Variants in RBPJ observed in about 807,000 individuals in gnomAD.
The protein encoded by RBPJ is recombination signal binding protein for immunoglobulin kappa J region, also known as recombining binding protein suppressor of hairless.
RBPJ carries 9 observed loss-of-function variants against 67.8 expected under a neutral mutation model. The ratio of observed to expected loss-of-function variants is 0.13; its 90% CI spans 0.08 to 0.23. The LOEUF is 0.23. RBPJ is among the 10% of genes least tolerant of loss of function. RBPJ has a pLI of 1.00. For synonymous variants in RBPJ, 198 were observed against 203.3 expected, an observed-to-expected ratio of 0.97 and a Z score of 0.22; for missense variants, 305 against 595.6, an observed-to-expected ratio of 0.51 and a Z score of 5.08.
chr4:26,266,805 A>G (rs10017379), intron 1 of RBPJ, among the ~76,000 whole-genome samples: 88 of 152,322 alleles, frequency 5.8e-4, no homozygotes, highest in African/African-American at 2.1e-3. Context: ...TCAAGAGCAG[A>G]TATTACTGGT....
intron 2 of RBPJ, among the ~76,000 whole-genome samples, chr4:26,394,916 TTTGTTGTAA>T (rs1464447634): frequency 2.6e-5 from 4 of 152,214 alleles, no homozygotes; most frequent in African/African-American, 7.2e-5. Flanking sequence ...TTCTTCAAGG[TTTGTTGTAA>T]TTGTTGTAAC....
intron 1 of RBPJ, among the ~76,000 whole-genome samples, chr4:26,281,296 G>A (rs1361731991): frequency 6.6e-6 from 1 of 151,652 alleles, no homozygotes; most frequent in Non-Finnish European, 1.5e-5. Flanking sequence ...TTGTTTTTTT[G>A]AGGCGGAGTT....
rs938217472 is a variant in RBPJ, at chr4:26,258,146, A to G, written c.-167+94532A>G. ...GCTGCACAGCCAAGCCTCATAGAGC[A>G]TCATTCATTTTGCTTCAGATGGCAA... is the stretch of plus-strand genomic sequence containing the variant. On this transcript the variant is annotated intron_variant, in intron 1 of 4. Transcript: ENST00000512351. Among the ~76,000 whole-genome samples the G allele has an allele frequency of 9.2e-5, 14 of 152,384 alleles. 1 individual carries two copies. The highest frequency in any genetic ancestry group is 6.5e-4 in the Admixed American group (10 of 15,308).
intron 1 of RBPJ, among the ~76,000 whole-genome samples, chr4:26,377,070 T>C (rs536876726): frequency 6.6e-6 from 1 of 152,340 alleles, no homozygotes; most frequent in African/African-American, 2.4e-5. Context: ...TATATACTTG[T>C]TTTGAAGGGA....
intron 1 of RBPJ, among the ~76,000 whole-genome samples, chr4:26,188,205 TCACACACACACACATACA>T (rs1302893867): frequency 6.6e-6 from 1 of 151,122 alleles, no homozygotes; most frequent in African/African-American, 2.4e-5. Flanking sequence ...CAAGACTCTG[TCACACACACACACATACA>T]CACACACACA....
intron 1 of RBPJ, among the ~76,000 whole-genome samples, chr4:26,385,489 A>T (rs918360235): frequency 6.6e-6 from 1 of 152,170 alleles, no homozygotes; most frequent in Non-Finnish European, 1.5e-5. Flanking sequence ...AACCCAGCCA[A>T]TCTTACTCTA....
intron 1 of RBPJ, among the ~76,000 whole-genome samples, chr4:26,281,349 G>A (rs1721267097): frequency 6.6e-6 from 1 of 152,076 alleles, no homozygotes. Context: ...CGTAAACTCG[G>A]CTCACTGCAA....
At chr4:26,326,346 ATAC>A (rs562376534) in intron 1 of RBPJ, among the ~76,000 whole-genome samples, 1 of 152,158 alleles carries the variant, frequency 6.6e-6, no homozygotes, top group Non-Finnish European at 1.5e-5. Flanking sequence ...TTATTAGAAA[ATAC>A]TACATTATAT....
At chr4:26,159,961 C>T (rs940226403), upstream of RBPJ, among the ~76,000 whole-genome samples, 7 of 151,924 alleles carry the variant, frequency 4.6e-5, no homozygotes, top group Non-Finnish European at 7.4e-5. Context: ...CTCTATCGCC[C>T]AGGCTGGGGT....
the RBPJ span, among the ~76,000 whole-genome samples, chr4:26,129,526 C>T: frequency 6.6e-6 from 1 of 152,198 alleles, no homozygotes; most frequent in Non-Finnish European, 1.5e-5. Flanking sequence ...GCCAAATAAC[C>T]TTAACTAATA....
intron 1 of RBPJ, among the ~76,000 whole-genome samples, chr4:26,233,386 G>A (rs1560221501): frequency 6.6e-6 from 1 of 152,156 alleles, no homozygotes; most frequent in South Asian, 2.1e-4. Flanking sequence ...TTTGGTAACA[G>A]GTTTCCTTGC....
chr4:26,351,080 T>A (rs1284809573), intron 1 of RBPJ, among the ~76,000 whole-genome samples: 1 of 151,914 alleles, frequency 6.6e-6, no homozygotes, highest in African/African-American at 2.4e-5. Context: ...ATATATTATA[T>A]ATTATATACA....
intron 1 of RBPJ, among the ~76,000 whole-genome samples, chr4:26,210,432 G>C (rs1718344206): frequency 6.6e-6 from 1 of 152,166 alleles, no homozygotes; most frequent in African/African-American, 2.4e-5. Context: ...TGGGTGCAGA[G>C]AGCAGCAGAG....
At chr4:26,291,090 G>T (rs1721652074) in intron 1 of RBPJ, among the ~76,000 whole-genome samples, 2 of 150,924 alleles carry the variant, frequency 1.3e-5, no homozygotes, top group African/African-American at 4.9e-5. Context: ...AAGTGTTGCA[G>T]AAAGACAAAA....
At chr4:26,255,831 GA>G (rs1282269492) in intron 1 of RBPJ, among the ~76,000 whole-genome samples, 2 of 149,638 alleles carry the variant, frequency 1.3e-5, no homozygotes, top group Non-Finnish European at 3.0e-5. Flanking sequence ...AAAGAAAAAA[GA>G]AAATCACCTA....
intron 1 of RBPJ, among the ~76,000 whole-genome samples, chr4:26,179,942 G>A (rs1387872258): frequency 1.3e-5 from 2 of 152,180 alleles, no homozygotes; most frequent in Non-Finnish European, 2.9e-5. Context: ...ATCAACTACA[G>A]ACTGGTTAAA....
intron 1 of RBPJ, among the ~76,000 whole-genome samples, chr4:26,299,948 G>A (rs560729691): frequency 6.6e-6 from 1 of 152,200 alleles, no homozygotes; most frequent in African/African-American, 2.4e-5. Context: ...GCCTCCCAAA[G>A]TGTTGGGATT....
the RBPJ span, chr4:26,112,567 T>TTC: frequency 6.7e-6 from 1 of 148,408 alleles, no homozygotes; most frequent in Non-Finnish European, 1.5e-5. Flanking sequence ...TTTTTTTTTT[T>TTC]ACAAATAAGA....
At chr4:26,188,116 C>T (rs114183726) in intron 1 of RBPJ, among the ~76,000 whole-genome samples, 2,177 of 151,854 alleles carry the variant, frequency 0.014, 46 homozygotes, top group African/African-American at 0.048. Context: ...GGCCAAGGCA[C>T]GAAAATCCCT....
Sources: gnomAD v4.1 joint callset for allele counts (sites outside exome capture counted in the v4.1 genomes callset) on GRCh38, gnomAD v4.1.1 for gene constraint, MANE v1.5 for transcripts, NCBI Gene and HGNC (gene_info 2026-07-23, HGNC 2026-07-21) for gene names.